Variants in FNDC7 observed in about 807,000 individuals in gnomAD.
FNDC7 encodes the protein fibronectin type III domain containing 7, also known as fibronectin type III domain-containing protein 7.
Under a neutral mutation model 74.2 loss-of-function variants are expected in FNDC7, and 66 were observed. That is an observed-to-expected ratio of 0.89 (90% CI 0.73 to 1.09). The LOEUF (loss-of-function observed/expected upper bound fraction) is 1.09, where lower values mean the gene tolerates loss of function less well. Among genes scored for constraint, FNDC7 ranks in the 50% least tolerant of loss-of-function variants. The pLI, the probability that FNDC7 is intolerant of heterozygous loss-of-function variation, is 0.00. For synonymous variants in FNDC7, 307 were observed against 330.2 expected (o/e 0.93, Z 0.76); for missense variants, 829 against 893.4 (o/e 0.93, Z 0.92).
At position 108,722,489 on chromosome 1, in the gene FNDC7, C is replaced by T. The variant is rs1164358453; in HGVS notation, c.753C>T (p.Cys251=). 6.2e-7 allele frequency: 1 copy of T among 1,614,108 alleles called. No homozygotes were observed. The highest frequency in any genetic ancestry group is 2.2e-5 in the East Asian group (1 of 44,898). Residue 251 remains cysteine (C), a synonymous_variant, in exon 5 of 13, where the codon TGC becomes TGT. Transcript: ENST00000370017. ...CCTGCAGTACAACTTTCAGTTCCTG[C>T]ACCATCTCTTCCCTCCAGTGTGGAA... ...ELTCSTTFSS[C]TISSLQCGTE...
chr1:108,713,563 C>G (rs904961177), intron 2 of FNDC7, 34 bp downstream of exon 2: 1 of 1,526,578 alleles, frequency 6.6e-7, no homozygotes, highest in Non-Finnish European at 8.8e-7. Context: ...TTTTCCTTCT[C>G]GTATTTGATT....
chr1:108,729,161 G>T (rs542342939), intron 8 of FNDC7, among the ~76,000 whole-genome samples: 5 of 152,342 alleles, frequency 3.3e-5, no homozygotes, highest in African/African-American at 1.2e-4. Flanking sequence ...ATTCCCCTAT[G>T]ATATAATCTA....
intron 5 of FNDC7, 109 bp downstream of exon 5, chr1:108,722,701 C>A: frequency 8.0e-7 from 1 of 1,242,760 alleles, no homozygotes; most frequent in Non-Finnish European, 1.1e-6. Flanking sequence ...AAAATGAAAG[C>A]CTGGTCTAAA....
intron 4 of FNDC7, among the ~76,000 whole-genome samples, chr1:108,719,791 T>G (rs561186924): frequency 2.0e-4 from 31 of 151,842 alleles, no homozygotes; most frequent in African/African-American, 7.5e-4. Flanking sequence ...AGAGGGGGTG[T>G]TTTTTCTTTC....
chr1:108,734,444 A>G (rs1052197334), intron 10 of FNDC7: 4 of 152,166 alleles, frequency 2.6e-5, no homozygotes, highest in Non-Finnish European at 2.9e-5. Context: ...GCACAGTCAT[A>G]TATTTTTCAT....
intron 10 of FNDC7, among the ~76,000 whole-genome samples, chr1:108,736,491 T>G (rs186764036): frequency 1.2e-3 from 190 of 152,342 alleles, no homozygotes; most frequent in African/African-American, 4.4e-3. Flanking sequence ...AGCACGTAAC[T>G]GTTGCCTGAT....
At chr1:108,719,457 CT>C (rs1457287069) in intron 4 of FNDC7, among the ~76,000 whole-genome samples, 1 of 152,200 alleles carries the variant, frequency 6.6e-6, no homozygotes, top group Non-Finnish European at 1.5e-5. Context: ...TGTGTGCCAA[CT>C]TTGAGCTGGC....
rs1280283081 is a variant in FNDC7 at position 108,728,738 on chromosome 1, A to G, written c.1476A>G (p.Gln492=). 1 of 1,614,260 alleles carries G rather than the reference A, an allele frequency of 6.2e-7. No homozygotes were observed. The highest frequency in any genetic ancestry group is 1.1e-5 in the South Asian group (1 of 91,088). The stretch of plus-strand genomic sequence containing the variant: ...ATGCTACTTACACGGTGACTGCCCA[A>G]GGGGAGAAAGGACTGTATCAGTGCA... ...NDDATYTVTA[Q]GEKGLYQCSS... The change falls in exon 8 of 13, where the codon CAA becomes CAG. Residue 492 remains glutamine (Q), a synonymous_variant. Transcript: ENST00000370017.
intron 4 of FNDC7, among the ~76,000 whole-genome samples, chr1:108,721,019 A>G (rs1271379272): frequency 6.6e-6 from 1 of 152,104 alleles, no homozygotes; most frequent in Admixed American, 6.5e-5. Flanking sequence ...ACTGCAGGCT[A>G]CCCCTACCAG....
At chr1:108,729,387 A>C (rs1339876483) in intron 8 of FNDC7, among the ~76,000 whole-genome samples, 1 of 152,172 alleles carries the variant, frequency 6.6e-6, no homozygotes. Flanking sequence ...GTCTCTACTG[A>C]AAACACAAAA....
chr1:108,719,584 A>G (rs946418373), intron 4 of FNDC7, among the ~76,000 whole-genome samples: 1 of 152,196 alleles, frequency 6.6e-6, no homozygotes, highest in African/African-American at 2.4e-5. Flanking sequence ...TTGGGTCTGA[A>G]GTCAGCATGG....
intron 8 of FNDC7, 96 bp downstream of exon 8, chr1:108,728,982 A>G (rs1661282112): frequency 2.1e-6 from 3 of 1,440,326 alleles, no homozygotes; most frequent in Non-Finnish European, 2.8e-6. Flanking sequence ...CCCTCAGTGC[A>G]ACAGAAATAC....
chr1:108,729,011 T>A, intron 8 of FNDC7, 125 bp downstream of exon 8: 1 of 1,226,204 alleles, frequency 8.2e-7, no homozygotes. Flanking sequence ...CAGAGACGTT[T>A]CAAAGAGTCC....
intron 9 of FNDC7, 61 bp from the exon 10 acceptor site, chr1:108,733,211 C>T: frequency 1.9e-6 from 3 of 1,580,770 alleles, no homozygotes; most frequent in Non-Finnish European, 2.6e-6. Flanking sequence ...TAATCAAGGC[C>T]ATTTTTGGAT....
chr1:108,724,984 G>A lies in FNDC7; in HGVS notation c.857-766G>A, dbSNP rs573208495. Among the ~76,000 whole-genome samples the A allele has an allele frequency of 1.2e-4, 18 of 151,858 alleles. No homozygotes were observed. The South Asian group carries it at 1.2e-3, about 11-fold the overall frequency. On this transcript the variant is annotated intron_variant, in intron 5 of 12. Coordinates refer to ENST00000370017, the MANE Select transcript of FNDC7 (RefSeq NM_001144937.3). Reference sequence around the variant, plus strand: ...TAGTCCCAGATGCTTGGGAGGTTGAGGCAAGGGAATCACTTCAGCCCAGGA... The same window carrying A: ...TAGTCCCAGATGCTTGGGAGGTTGAAGCAAGGGAATCACTTCAGCCCAGGA...
At position 108,727,914 on chromosome 1, in the gene FNDC7, A is replaced by G; in HGVS notation, c.1218A>G (p.Val406=). The G allele has an allele frequency of 1.2e-5, 19 of 1,614,224 alleles. No homozygotes were observed. Among genetic ancestry groups the G allele is most frequent in the Non-Finnish European group, 1.5e-5 (18 of 1,180,044 alleles). The change falls in exon 7 of 13, where the codon GTA becomes GTG. Residue 406 remains valine, a synonymous_variant. Coordinates refer to ENST00000370017, the MANE Select transcript of FNDC7 (RefSeq NM_001144937.3). ...CCGAACTGTATGAAACCAAGGCTGT[A>G]GATGGGTACAACATGGTTGAGTGCA... ...RGAELYETKA[V]DGYNMVECND...
At chr1:108,726,051 C>T in intron 6 of FNDC7, 47 bp downstream of exon 6, 1 of 1,598,974 alleles carries the variant, frequency 6.3e-7, no homozygotes, top group Non-Finnish European at 8.5e-7. Context: ...GATCTCTAAC[C>T]TCAGCAGCAG....
At chr1:108,726,491 C>A (rs115150846) in intron 6 of FNDC7, among the ~76,000 whole-genome samples, 2 of 152,232 alleles carry the variant, frequency 1.3e-5, no homozygotes, top group African/African-American at 2.4e-5. Context: ...TTGCTAGTTC[C>A]TTAGTATCCT....
At chr1:108,725,011 G>A (rs1302339194) in intron 5 of FNDC7, among the ~76,000 whole-genome samples, 1 of 151,928 alleles carries the variant, frequency 6.6e-6, no homozygotes, top group Non-Finnish European at 1.5e-5. Flanking sequence ...AGCCCAGGAG[G>A]TGGAGGTTGC....
Sources: allele counts gnomAD v4.1 joint callset (sites outside exome capture counted in the v4.1 genomes callset), GRCh38; gene constraint gnomAD v4.1.1; transcripts MANE v1.5; gene names NCBI Gene and HGNC (gene_info 2026-07-23, HGNC 2026-07-21).